The following ERC2 variants were observed in gnomAD, a reference collection of about 807,000 sequenced individuals.
The protein encoded by ERC2 is ELKS/RAB6-interacting/CAST family member 2, also known as ERC protein 2.
ERC2 carries 42 observed loss-of-function variants against 114.8 expected under a neutral mutation model. The ratio of observed to expected loss-of-function variants is 0.37; its 90% CI spans 0.29 to 0.47. The LOEUF is 0.47. Among genes scored for constraint, ERC2 ranks in the 20% least tolerant of loss-of-function variants. The pLI is 0.99. For missense variants in ERC2, 939 were observed against 1,150.7 expected, an observed-to-expected ratio of 0.82 and a Z score of 2.66; for synonymous variants, 454 against 425.5, an observed-to-expected ratio of 1.07 and a Z score of -0.82.
At chr3:56,129,095 C>T (rs1019283290) in intron 6 of ERC2, among the ~76,000 whole-genome samples, 1 of 152,144 alleles carries the variant, frequency 6.6e-6, no homozygotes, top group African/African-American at 2.4e-5. Context: ...AACTTATTAC[C>T]TCAAGTTGTA....
intron 3 of ERC2, among the ~76,000 whole-genome samples, chr3:56,228,164 T>G (rs1448321277): frequency 2.0e-5 from 3 of 152,224 alleles, no homozygotes; most frequent in African/African-American, 7.2e-5. Context: ...GTGGTGATGA[T>G]ATAAATGTAA....
At chr3:56,030,521 C>T (rs2074314565) in intron 7 of ERC2, among the ~76,000 whole-genome samples, 1 of 152,046 alleles carries the variant, frequency 6.6e-6, no homozygotes, top group Admixed American at 6.6e-5. Context: ...TTTAGGATTG[C>T]TATATCTTCT....
At chr3:55,856,103 G>A (rs1426646468) in intron 14 of ERC2, among the ~76,000 whole-genome samples, 1 of 152,180 alleles carries the variant, frequency 6.6e-6, no homozygotes, top group Non-Finnish European at 1.5e-5. Flanking sequence ...GAGGATTCCT[G>A]TCACAGACAG....
chr3:55,836,947 T>C (rs1286796655), intron 14 of ERC2, among the ~76,000 whole-genome samples: 2 of 152,146 alleles, frequency 1.3e-5, no homozygotes, highest in Non-Finnish European at 2.9e-5. Flanking sequence ...GGGCGAAGGA[T>C]ATGAACAGAC....
intron 17 of ERC2, among the ~76,000 whole-genome samples, chr3:55,568,863 A>G (rs1167269012): frequency 2.6e-5 from 4 of 152,108 alleles, no homozygotes; most frequent in African/African-American, 9.7e-5. Flanking sequence ...TCCCCCTCTG[A>G]CACGTCCCTG....
intron 5 of ERC2, among the ~76,000 whole-genome samples, chr3:56,147,022 A>C (rs897162271): frequency 1.3e-5 from 2 of 152,248 alleles, no homozygotes; most frequent in African/African-American, 4.8e-5. Flanking sequence ...TGAGGGGCAG[A>C]GTTTACAAAT....
At chr3:56,447,106 G>A (rs1339694053) in intron 1 of ERC2, among the ~76,000 whole-genome samples, 4 of 152,144 alleles carry the variant, frequency 2.6e-5, no homozygotes, top group Admixed American at 6.5e-5. Flanking sequence ...TCCCATACAG[G>A]CCATGAGTGC....
At chr3:55,538,929 A>G (rs970036508) in intron 17 of ERC2, among the ~76,000 whole-genome samples, 4 of 152,280 alleles carry the variant, frequency 2.6e-5, no homozygotes, top group Non-Finnish European at 5.9e-5. Flanking sequence ...AATGAAGCCA[A>G]CGGAGAGTTT....
intron 3 of ERC2, among the ~76,000 whole-genome samples, chr3:56,197,362 T>G (rs1042485688): frequency 1.3e-5 from 2 of 152,216 alleles, no homozygotes; most frequent in Non-Finnish European, 2.9e-5. Flanking sequence ...GAAACTACGT[T>G]AGAATACGCC....
intron 17 of ERC2, among the ~76,000 whole-genome samples, chr3:55,584,743 G>C (rs112048905): frequency 5.3e-5 from 8 of 152,194 alleles, no homozygotes; most frequent in African/African-American, 1.9e-4. Flanking sequence ...ATGTGTGTGG[G>C]CAAGGATAAC....
chr3:55,819,961 G>A (rs2060058227), intron 14 of ERC2, among the ~76,000 whole-genome samples: 1 of 152,184 alleles, frequency 6.6e-6, no homozygotes, highest in Non-Finnish European at 1.5e-5. Context: ...TTCCCAATTA[G>A]CCTCTTGCAG....
intron 17 of ERC2, among the ~76,000 whole-genome samples, chr3:55,602,751 AC>A (rs566752613): frequency 1.1e-4 from 17 of 151,032 alleles, no homozygotes; most frequent in Admixed American, 9.9e-4. Context: ...ATGTTCATTC[AC>A]CCCCCCAATG....
intron 14 of ERC2, among the ~76,000 whole-genome samples, chr3:55,808,637 T>C (rs1041618712): frequency 6.8e-6 from 1 of 147,900 alleles, no homozygotes; most frequent in Non-Finnish European, 1.5e-5. Context: ...TGAAAAAATT[T>C]TGACTCAGAG....
intron 5 of ERC2, among the ~76,000 whole-genome samples, chr3:56,146,860 C>T (rs17288707): frequency 0.016 from 2,371 of 152,270 alleles, 81 homozygotes; most frequent in East Asian, 0.15. Context: ...TTCTTCTGAC[C>T]TGACCACTTC....
chr3:55,669,529 C>T (rs533295167), intron 17 of ERC2, among the ~76,000 whole-genome samples: 30 of 152,284 alleles, frequency 2.0e-4, no homozygotes, highest in Non-Finnish European at 2.5e-4. Context: ...TGTAATTTCA[C>T]TTGGTTGTGG....
intron 2 of ERC2, among the ~76,000 whole-genome samples, chr3:56,376,694 C>T (rs568547896): frequency 5.3e-5 from 8 of 150,968 alleles, no homozygotes; most frequent in East Asian, 2.0e-4. Context: ...ATCCGGGAGG[C>T]GGAGGTTGCA....
intron 1 of ERC2, among the ~76,000 whole-genome samples, chr3:56,458,740 C>T (rs1559530001): frequency 6.6e-6 from 1 of 151,920 alleles, no homozygotes; most frequent in African/African-American, 2.4e-5. Context: ...AAATGCGAAA[C>T]AAAGAAGGGG....
At chr3:55,656,046 C>G (rs2060846023) in intron 17 of ERC2, among the ~76,000 whole-genome samples, 1 of 152,212 alleles carries the variant, frequency 6.6e-6, no homozygotes, top group Non-Finnish European at 1.5e-5. Flanking sequence ...TTTCTGTCTG[C>G]AAAGCTGCTT....
chr3:56,317,571 A>G (rs1019820075), intron 2 of ERC2, among the ~76,000 whole-genome samples: 1 of 152,174 alleles, frequency 6.6e-6, no homozygotes, highest in Non-Finnish European at 1.5e-5. Context: ...TAATCTAAAA[A>G]CTAAAATTGC....
Sources: allele counts gnomAD v4.1 joint callset (sites outside exome capture counted in the v4.1 genomes callset), GRCh38; gene constraint gnomAD v4.1.1; transcripts MANE v1.5; gene names NCBI Gene and HGNC (gene_info 2026-07-23, HGNC 2026-07-21).